PTPRR: variants seen among roughly 807,000 people sequenced by gnomAD.
PTPRR encodes the protein receptor-type tyrosine-protein phosphatase R.
PTPRR carries 38 observed loss-of-function variants against 77.2 expected under a neutral mutation model. The ratio of observed to expected loss-of-function variants is 0.49; its 90% CI spans 0.38 to 0.65. The LOEUF (loss-of-function observed/expected upper bound fraction) is 0.65, where lower values mean the gene tolerates loss of function less well. Among genes scored for constraint, PTPRR ranks in the 30% least tolerant of loss-of-function variants. The pLI is 0.00. For missense variants in PTPRR, 744 were observed against 799.2 expected (o/e 0.93, Z 0.83); for synonymous variants, 299 against 283.1 (o/e 1.06, Z -0.57).
At chr12:70,831,393 A>G (rs1892209390) in intron 2 of PTPRR, among the ~76,000 whole-genome samples, 1 of 152,188 alleles carries the variant, frequency 6.6e-6, no homozygotes, top group Non-Finnish European at 1.5e-5. Flanking sequence ...TCAATAGCCT[A>G]GGTAAAGGCT....
chr12:70,822,912 C>CT (rs1892041811), intron 2 of PTPRR, among the ~76,000 whole-genome samples: 1 of 151,850 alleles, frequency 6.6e-6, no homozygotes, highest in African/African-American at 2.4e-5. Flanking sequence ...TTTTTCAGAC[C>CT]TTTTTTTGGG....
At chr12:70,727,530 T>A (rs1889486174) in intron 6 of PTPRR, among the ~76,000 whole-genome samples, 1 of 152,222 alleles carries the variant, frequency 6.6e-6, no homozygotes, top group Non-Finnish European at 1.5e-5. Context: ...TTTTGTATTG[T>A]GATCAGGTTT....
intron 2 of PTPRR, among the ~76,000 whole-genome samples, chr12:70,868,043 G>A (rs1325413414): frequency 6.6e-6 from 1 of 151,934 alleles, no homozygotes; most frequent in African/African-American, 2.4e-5. Context: ...AATTCAAGAT[G>A]GATTAAAGAC....
intron 2 of PTPRR, among the ~76,000 whole-genome samples, chr12:70,782,682 C>T (rs1318130830): frequency 2.1e-5 from 3 of 144,376 alleles, no homozygotes; most frequent in Admixed American, 6.9e-5. Context: ...ACACCGGGGC[C>T]GTTGTGGGGT....
At chr12:70,704,651 T>C (rs1023851850) in intron 6 of PTPRR, among the ~76,000 whole-genome samples, 1 of 152,132 alleles carries the variant, frequency 6.6e-6, no homozygotes, top group African/African-American at 2.4e-5. Context: ...AGCATTTTCA[T>C]GCTAACTGAC....
At chr12:70,655,229 G>A (rs1263060851) in intron 13 of PTPRR, among the ~76,000 whole-genome samples, 1 of 152,126 alleles carries the variant, frequency 6.6e-6, no homozygotes, top group African/African-American at 2.4e-5. Context: ...ATCAAAAAAA[G>A]CAAAGCAGAA....
intron 2 of PTPRR, among the ~76,000 whole-genome samples, chr12:70,780,976 T>A (rs1474604399): frequency 6.6e-6 from 1 of 152,122 alleles, no homozygotes; most frequent in Non-Finnish European, 1.5e-5. Flanking sequence ...TGCAGGAGAG[T>A]GCTGTGGTTT....
intron 1 of PTPRR, among the ~76,000 whole-genome samples, chr12:70,901,864 T>G (rs989547770): frequency 6.6e-6 from 1 of 151,662 alleles, no homozygotes; most frequent in South Asian, 2.1e-4. Context: ...CTTCACAATC[T>G]ATTCTATTTT....
intron 6 of PTPRR, among the ~76,000 whole-genome samples, chr12:70,708,815 AACACAC>A (rs142909764): frequency 4.9e-4 from 44 of 89,028 alleles, no homozygotes; most frequent in African/African-American, 1.2e-3. Context: ...TACAAATACA[AACACAC>A]ACACACACAC....
chr12:70,886,335 A>T (rs1244917959), intron 2 of PTPRR, among the ~76,000 whole-genome samples: 1 of 152,258 alleles, frequency 6.6e-6, no homozygotes, highest in Non-Finnish European at 1.5e-5. Flanking sequence ...GTGATTATAT[A>T]AGAAGATCTT....
At chr12:70,774,069 C>T (rs1178166884) in intron 2 of PTPRR, among the ~76,000 whole-genome samples, 1 of 152,212 alleles carries the variant, frequency 6.6e-6, no homozygotes, top group Non-Finnish European at 1.5e-5. Context: ...TTCATCTCTG[C>T]CAGACTACAG....
chr12:70,897,158 C>T (rs1315591262), intron 1 of PTPRR, among the ~76,000 whole-genome samples: 2 of 151,890 alleles, frequency 1.3e-5, no homozygotes, highest in African/African-American at 4.8e-5. Context: ...CAAATGGGAT[C>T]TAATTATACT....
intron 5 of PTPRR, among the ~76,000 whole-genome samples, chr12:70,749,515 T>C (rs1890321591): frequency 6.6e-6 from 1 of 152,182 alleles, no homozygotes; most frequent in South Asian, 2.1e-4. Flanking sequence ...GAAAAAAAAT[T>C]GAAAATTAAT....
At chr12:70,841,458 C>T (rs1382671802) in intron 2 of PTPRR, among the ~76,000 whole-genome samples, 1 of 151,956 alleles carries the variant, frequency 6.6e-6, no homozygotes, top group Admixed American at 6.6e-5. Context: ...AGTGATTTTC[C>T]AGAAATGAAT....
At chr12:70,685,661 C>T (rs181521211) in intron 8 of PTPRR, among the ~76,000 whole-genome samples, 75 of 151,066 alleles carry the variant, frequency 5.0e-4, no homozygotes, top group African/African-American at 1.3e-3. Flanking sequence ...AAAACAAAAA[C>T]GAAACAAAAC....
At chr12:70,919,163 A>G (rs148533407) in intron 1 of PTPRR, among the ~76,000 whole-genome samples, 49 of 152,204 alleles carry the variant, frequency 3.2e-4, no homozygotes, top group African/African-American at 1.1e-3. Context: ...AAATTCACCC[A>G]CTCTTTTAAA....
chr12:70,874,747 C>T (rs931184942), intron 2 of PTPRR, among the ~76,000 whole-genome samples: 1 of 151,892 alleles, frequency 6.6e-6, no homozygotes, highest in Non-Finnish European at 1.5e-5. Flanking sequence ...CATGGTGAAA[C>T]CCTGTCTCCA....
At chr12:70,826,149 G>A (rs1387981821) in intron 2 of PTPRR, among the ~76,000 whole-genome samples, 2 of 152,152 alleles carry the variant, frequency 1.3e-5, no homozygotes, top group African/African-American at 4.8e-5. Flanking sequence ...AGGATAGGGA[G>A]GGGTAGGAAA....
intron 6 of PTPRR, among the ~76,000 whole-genome samples, chr12:70,718,320 C>T (rs1206770265): frequency 6.6e-6 from 1 of 151,510 alleles, no homozygotes; most frequent in African/African-American, 2.4e-5. Flanking sequence ...GGTTGGAGTG[C>T]AATAGCACGA....
Sources: gnomAD v4.1 joint callset for allele counts (sites outside exome capture counted in the v4.1 genomes callset) on GRCh38, gnomAD v4.1.1 for gene constraint, MANE v1.5 for transcripts, NCBI Gene and HGNC (gene_info 2026-07-23, HGNC 2026-07-21) for gene names.